The following FAAH2 variants were observed in gnomAD, a reference collection of about 807,000 sequenced individuals.
The protein encoded by FAAH2 is fatty acid amide hydrolase 2, also known as fatty-acid amide hydrolase 2.
FAAH2 carries 60 observed loss-of-function variants against 36.9 expected under a neutral mutation model. The ratio of observed to expected loss-of-function variants is 1.63; its 90% confidence interval spans 1.32 to 2.02. The LOEUF (loss-of-function observed/expected upper bound fraction) is 2.02. Ranked by LOEUF, FAAH2 falls within the 30% of genes most tolerant of loss-of-function variation. The probability of loss-of-function intolerance (pLI) is 0.00; values close to 1 mark genes in which losing one functional copy is unlikely to be tolerated. For missense variants in FAAH2, 689 were observed against 397.5 expected, an observed-to-expected ratio of 1.73 and a Z score of -6.23; for synonymous variants, 214 against 143.8, an observed-to-expected ratio of 1.49 and a Z score of -3.49.
chrX:57,190,671 C>T, the FAAH2 span, among the ~76,000 whole-genome samples: 19 of 110,571 alleles, frequency 1.7e-4, no homozygotes, highest in Non-Finnish European at 3.4e-4. Flanking sequence ...GCTCCTTGCA[C>T]TCCCGGGTGA....
the FAAH2 span, among the ~76,000 whole-genome samples, chrX:57,243,564 CT>C: frequency 8.9e-6 from 1 of 112,365 alleles, no homozygotes. Flanking sequence ...AGGCAGCAAT[CT>C]TTGCCATTCT....
intron 3 of FAAH2, among the ~76,000 whole-genome samples, chrX:57,328,278 C>T (rs1316360053): frequency 9.0e-6 from 1 of 111,587 alleles, no homozygotes; most frequent in Admixed American, 9.5e-5. Flanking sequence ...TTAGGGTACT[C>T]GGGGGTCAGG....
At chrX:57,286,628 T>G (rs770686613), upstream of FAAH2, 29 of 341,126 alleles carry the variant, frequency 8.5e-5, no homozygotes, top group East Asian at 9.3e-4. Flanking sequence ...CACAGGCAGC[T>G]GCTGGGAAGT....
the FAAH2 span, among the ~76,000 whole-genome samples, chrX:57,242,254 T>C: frequency 8.9e-6 from 1 of 112,018 alleles, no homozygotes; most frequent in Non-Finnish European, 1.9e-5. Flanking sequence ...AGCTTCCAGA[T>C]GAAGGAGCAG....
At chrX:57,411,518 C>T (rs1373344435) in intron 7 of FAAH2, among the ~76,000 whole-genome samples, 3 of 111,319 alleles carry the variant, frequency 2.7e-5, no homozygotes, top group African/African-American at 9.8e-5. Context: ...AGTCCATGTA[C>T]TGGTAAGTAG....
chrX:57,197,535 A>C, the FAAH2 span, among the ~76,000 whole-genome samples: 1 of 78,847 alleles, frequency 1.3e-5, no homozygotes, highest in Non-Finnish European at 2.1e-5. Flanking sequence ...AAGGGCTGCT[A>C]TTCAGATATT....
chrX:57,275,472 G>C, the FAAH2 span, among the ~76,000 whole-genome samples: 1 of 111,905 alleles, frequency 8.9e-6, no homozygotes, highest in African/African-American at 3.3e-5. Context: ...GCAAAAACAC[G>C]CCAAATTGTA....
chrX:57,144,920 G>GCACA, the FAAH2 span, among the ~76,000 whole-genome samples: 1 of 78,344 alleles, frequency 1.3e-5, no homozygotes, highest in Admixed American at 1.4e-4. Flanking sequence ...GTATGTGTGT[G>GCACA]CATACACACA....
At chrX:57,451,512 CA>C (rs957288290) in intron 10 of FAAH2, among the ~76,000 whole-genome samples, 1 of 111,442 alleles carries the variant, frequency 9.0e-6, no homozygotes, top group African/African-American at 3.3e-5. Context: ...TAGAAGAAAA[CA>C]AAGGAAGGCT....
chrX:57,440,786 A>G (rs1043626109), intron 8 of FAAH2, among the ~76,000 whole-genome samples: 1 of 111,522 alleles, frequency 9.0e-6, no homozygotes, highest in Non-Finnish European at 1.9e-5. Context: ...ATCAATACCT[A>G]CTTTATGGAG....
At chrX:57,446,313 T>C (rs2056672998) in intron 8 of FAAH2, among the ~76,000 whole-genome samples, 1 of 111,965 alleles carries the variant, frequency 8.9e-6, no homozygotes, top group South Asian at 3.8e-4. Flanking sequence ...TATGAATGTG[T>C]TTTCTTGCAT....
intron 5 of FAAH2, among the ~76,000 whole-genome samples, chrX:57,373,510 G>A (rs1967357366): frequency 9.1e-6 from 1 of 110,270 alleles, no homozygotes; most frequent in South Asian, 3.9e-4. Context: ...ATGTTTGTTG[G>A]CCATTTGTAT....
At chrX:57,288,601 C>T (rs1350125605) in intron 1 of FAAH2, among the ~76,000 whole-genome samples, 4 of 109,695 alleles carry the variant, frequency 3.6e-5, no homozygotes, top group African/African-American at 1.0e-4. Flanking sequence ...CCACCCACCT[C>T]GGCCTCCCAA....
chrX:57,293,782 T>A (rs1302607189), intron 2 of FAAH2, among the ~76,000 whole-genome samples: 1 of 111,146 alleles, frequency 9.0e-6, no homozygotes, highest in Non-Finnish European at 1.9e-5. Context: ...ATCAAAATTT[T>A]GACCTTGTTG....
At chrX:57,375,643 A>G (rs780982802) in intron 5 of FAAH2, among the ~76,000 whole-genome samples, 1 of 110,872 alleles carries the variant, frequency 9.0e-6, no homozygotes, top group South Asian at 3.8e-4. Context: ...TTGTTGTAAT[A>G]TCATAGACAA....
At position 57,290,996 on chromosome X, in the gene FAAH2, G is replaced by A. The variant is rs1217895622; in HGVS notation, c.193-1502G>A. ...TCTGGATATGATAATTTGTCAAATT[G>A]ACTTAGAAATTCTCTAAAACCATTT... On this transcript the variant is annotated intron_variant, in intron 1 of 10. Coordinates refer to ENST00000374900, the MANE Select transcript of FAAH2 (RefSeq NM_174912.4). Among the ~76,000 whole-genome samples, 4 of 112,096 alleles carry A rather than the reference G, an allele frequency of 3.6e-5. No individual in the cohort carries two copies. In the East Asian group the frequency reaches 8.4e-4, roughly 23 times the overall value.
chrX:57,404,587 C>T (rs761289846), intron 7 of FAAH2, among the ~76,000 whole-genome samples: 41 of 111,544 alleles, frequency 3.7e-4, no homozygotes, highest in South Asian at 7.6e-4. Context: ...GGGACACCAG[C>T]GACAAGACTC....
At chrX:57,157,149 C>G in the FAAH2 span, among the ~76,000 whole-genome samples, 1 of 111,665 alleles carries the variant, frequency 9.0e-6, no homozygotes, top group African/African-American at 3.3e-5. Context: ...ACTTTTATTT[C>G]TCCTTTGCCC....
At chrX:57,320,145 C>T (rs1391087023) in intron 3 of FAAH2, among the ~76,000 whole-genome samples, 1 of 111,622 alleles carries the variant, frequency 9.0e-6, no homozygotes, top group African/African-American at 3.3e-5. Flanking sequence ...GAAAAAATGG[C>T]AACAAAAGCC....
Sources: gnomAD v4.1 joint callset for allele counts (sites outside exome capture counted in the v4.1 genomes callset) on GRCh38, gnomAD v4.1.1 for gene constraint, MANE v1.5 for transcripts, NCBI Gene and HGNC (gene_info 2026-07-23, HGNC 2026-07-21) for gene names.